BACH2: variants seen among roughly 807,000 people sequenced by gnomAD.
BACH2 encodes BACH transcriptional regulator 2, also known as transcription regulator protein BACH2.
Under a neutral mutation model 61.8 loss-of-function variants are expected in BACH2, and 5 were observed. That is an observed-to-expected ratio of 0.08 (90% CI 0.04 to 0.17). The LOEUF is 0.17. Among genes scored for constraint, BACH2 ranks in the 10% least tolerant of loss-of-function variants. The pLI, the probability that BACH2 is intolerant of heterozygous loss-of-function variation, is 1.00. For missense variants in BACH2, 824 were observed against 1,091.1 expected (o/e 0.76, Z 3.45); for synonymous variants, 446 against 440.1 (o/e 1.01, Z -0.17).
At chr6:89,948,144 T>C (rs1389713706) in intron 7 of BACH2, among the ~76,000 whole-genome samples, 1 of 152,200 alleles carries the variant, frequency 6.6e-6, no homozygotes, top group Non-Finnish European at 1.5e-5. Context: ...TATCTGAAAC[T>C]GACAGTTCTT....
At chr6:90,296,299 A>ACAAAAT in intron 1 of BACH2, among the ~76,000 whole-genome samples, 181 bp downstream of exon 1, 1 of 151,416 alleles carries the variant, frequency 6.6e-6, no homozygotes, top group African/African-American at 2.4e-5. Context: ...TCCCGTTCCT[A>ACAAAAT]GAAAATGCCA....
In BACH2 at chr6:90,296,501, C is replaced by T. The variant is rs2127898154; in HGVS notation, c.-467G>A. ...TCACCTCGCCGGAGAACTTTGCGTC[C>T]TTTTCCGCCTCCTCTTCCCCGCGTC... On this transcript the variant is annotated 5_prime_UTR_variant, in exon 1 of 9. Coordinates refer to ENST00000257749, the MANE Select transcript of BACH2 (RefSeq NM_021813.4). 6.6e-6 allele frequency: 1 copy of T among 151,552 alleles called. No individual in the cohort carries two copies. The highest frequency in any genetic ancestry group is 2.4e-5 in the African/African-American group (1 of 41,462). The allele number at this position is 151,552 out of a possible 1,614,324, so 9.4% of individuals were successfully genotyped here.
chr6:90,145,691 C>A (rs968091283), intron 4 of BACH2, among the ~76,000 whole-genome samples: 1 of 152,144 alleles, frequency 6.6e-6, no homozygotes, highest in Non-Finnish European at 1.5e-5. Context: ...GTCTTTAAAT[C>A]AAATCATTCA....
In BACH2 at chr6:90,242,282, C is replaced by CT. The variant is rs561859729; in HGVS notation, c.-275+10230dup. ...CTTCCCTGAACTAGCAACCACTGAT[C>CT]TTTTTACTGTCTCTATGGTTTTGAC... is the stretch of plus-strand genomic sequence containing the variant. On this transcript the variant is annotated intron_variant, in intron 3 of 8. Coordinates refer to ENST00000257749, the MANE Select transcript of BACH2 (RefSeq NM_021813.4). 3.0e-3 allele frequency among the ~76,000 whole-genome samples: 454 copies of CT among 152,322 alleles called. 1 individual carries two copies. The highest frequency in any genetic ancestry group is 0.01 in the African/African-American group (431 of 41,576).
intron 3 of BACH2, among the ~76,000 whole-genome samples, chr6:90,218,747 T>G (rs1216466795): frequency 6.6e-6 from 1 of 152,116 alleles, no homozygotes; most frequent in Non-Finnish European, 1.5e-5. Context: ...AGCAGATGAA[T>G]GGGCTCAGCA....
At chr6:90,044,764 C>T (rs1407149218) in intron 5 of BACH2, among the ~76,000 whole-genome samples, 1 of 152,082 alleles carries the variant, frequency 6.6e-6, no homozygotes, top group Non-Finnish European at 1.5e-5. Flanking sequence ...AAAGAGTTAA[C>T]GATGGCACCA....
intron 2 of BACH2, among the ~76,000 whole-genome samples, chr6:90,256,583 G>A (rs886232464): frequency 6.6e-6 from 1 of 152,186 alleles, no homozygotes; most frequent in Non-Finnish European, 1.5e-5. Flanking sequence ...ACTTGTGTTA[G>A]AACAGTGAAA....
At chr6:90,093,059 T>C (rs961779700) in intron 4 of BACH2, among the ~76,000 whole-genome samples, 1 of 151,864 alleles carries the variant, frequency 6.6e-6, no homozygotes, top group Non-Finnish European at 1.5e-5. Context: ...TGAGGGGAGG[T>C]TGGTGGAATC....
chr6:90,292,123 G>A (rs1313342298), intron 1 of BACH2, among the ~76,000 whole-genome samples: 2 of 152,178 alleles, frequency 1.3e-5, no homozygotes, highest in Non-Finnish European at 2.9e-5. Flanking sequence ...CATTGATTCA[G>A]GACTGGACTG....
chr6:89,995,159 G>A (rs1216171817), intron 6 of BACH2, among the ~76,000 whole-genome samples: 6 of 152,100 alleles, frequency 3.9e-5, no homozygotes, highest in South Asian at 2.1e-4. Context: ...TTAACTTAGC[G>A]CAGTCCATTT....
intron 4 of BACH2, among the ~76,000 whole-genome samples, chr6:90,187,764 C>G (rs916820662): frequency 1.3e-5 from 2 of 152,220 alleles, no homozygotes; most frequent in African/African-American, 4.8e-5. Context: ...TGAGCACCTA[C>G]TATGGGTCAG....
chr6:90,120,668 G>A, intron 4 of BACH2, among the ~76,000 whole-genome samples: 1 of 152,152 alleles, frequency 6.6e-6, no homozygotes, highest in South Asian at 2.1e-4. Context: ...TTTTTGGGAG[G>A]AGTTCAGAAC....
intron 4 of BACH2, among the ~76,000 whole-genome samples, chr6:90,161,737 C>T (rs911859656): frequency 6.6e-6 from 1 of 152,120 alleles, no homozygotes; most frequent in African/African-American, 2.4e-5. Flanking sequence ...TGCTTAACAT[C>T]CTACCTTTCC....
At chr6:90,025,027 G>A (rs530807689) in intron 5 of BACH2, among the ~76,000 whole-genome samples, 6 of 152,284 alleles carry the variant, frequency 3.9e-5, no homozygotes, top group South Asian at 2.1e-4. Context: ...AGACTACCCC[G>A]TTTAGCGGGC....
At chr6:90,052,387 AT>A (rs4053605) in intron 5 of BACH2, among the ~76,000 whole-genome samples, 4 of 150,906 alleles carry the variant, frequency 2.7e-5, no homozygotes, top group Non-Finnish European at 4.4e-5. Flanking sequence ...CTCTATCCTG[AT>A]TTTTTTTTGC....
chr6:89,969,039 A>G (rs374062171), intron 6 of BACH2, among the ~76,000 whole-genome samples: 3 of 151,060 alleles, frequency 2.0e-5, no homozygotes, highest in African/African-American at 7.3e-5. Context: ...AATGTGTCTT[A>G]AAAATGTAGT....
At chr6:89,942,396 C>T (rs910003095) in intron 7 of BACH2, among the ~76,000 whole-genome samples, 5 of 152,160 alleles carry the variant, frequency 3.3e-5, no homozygotes, top group South Asian at 2.1e-4. Context: ...CCTTGGAAAG[C>T]GGAAACACAT....
chr6:89,961,740 C>T (rs1252483890), intron 6 of BACH2, among the ~76,000 whole-genome samples: 1 of 152,006 alleles, frequency 6.6e-6, no homozygotes, highest in East Asian at 1.9e-4. Flanking sequence ...TTTCTTGTTA[C>T]TCTCCTCTGA....
intron 5 of BACH2, among the ~76,000 whole-genome samples, chr6:90,025,771 T>C (rs1778603314): frequency 6.6e-6 from 1 of 152,200 alleles, no homozygotes; most frequent in South Asian, 2.1e-4. Context: ...TAAGGGTTAA[T>C]ACTAAAAGAA....
Sources: gnomAD v4.1 joint callset for allele counts (sites outside exome capture counted in the v4.1 genomes callset) on GRCh38, gnomAD v4.1.1 for gene constraint, MANE v1.5 for transcripts, NCBI Gene and HGNC (gene_info 2026-07-23, HGNC 2026-07-21) for gene names.